The following DNAH1 variants were observed in gnomAD, a reference collection of about 807,000 sequenced individuals.
DNAH1 encodes the protein dynein axonemal heavy chain 1, also known as axonemal beta dynein heavy chain 1.
In DNAH1, 327 loss-of-function variants were observed where a neutral mutation model predicts 484.3. The observed-to-expected ratio is 0.68, with a 90% CI of 0.62 to 0.74. DNAH1 has a LOEUF of 0.74. DNAH1 is among the 30% of genes least tolerant of loss of function. The pLI, the probability that DNAH1 is intolerant of heterozygous loss-of-function variation, is 0.00. For synonymous variants in DNAH1, 2,192 were observed against 2,191.9 expected, an observed-to-expected ratio of 1.00 and a Z score of 0.00; for missense variants, 5,052 against 5,546.8, an observed-to-expected ratio of 0.91 and a Z score of 2.83.
Position 52,396,600 on chromosome 3 carries a change from G to A in DNAH1, c.11431-18G>A. 6.2e-7 allele frequency: 1 copy of A among 1,610,180 alleles called. No individual in the cohort carries two copies. Among genetic ancestry groups the A allele is most frequent in the Non-Finnish European group, 8.5e-7 (1 of 1,177,224 alleles). ...CCCGTCCCCGCTCCTCACCTCCCCT[G>A]CCTCCCACCTCCCCCAGGTGATGGA... On this transcript the variant is annotated intron_variant, in intron 71 of 77. Transcript: ENST00000420323.
At chr3:52,329,451 C>CT in intron 6 of DNAH1, among the ~76,000 whole-genome samples, 1 of 152,318 alleles carries the variant, frequency 6.6e-6, no homozygotes, top group African/African-American at 2.4e-5. Context: ...ACTCAGCTAG[C>CT]TGGTGTCAAC....
rs76962147 is a variant in DNAH1 at position 52,316,717 on chromosome 3, G to T, written c.-35+172G>T. ...TCCCACTCAATACACTTTATGGTGG[G>T]GATAGGGTCCAGTTCAGTTCCAGAC... On this transcript the variant is annotated intron_variant, in intron 1 of 77. Coordinates refer to ENST00000420323, the MANE Select transcript of DNAH1 (RefSeq NM_015512.5). Among the ~76,000 whole-genome samples the T allele has an allele frequency of 2.2e-4, 34 of 152,284 alleles. No homozygotes were observed. In the South Asian group the frequency reaches 6.4e-3, roughly 29 times the overall value.
chr3:52,373,189 A>G (rs1221230566), intron 44 of DNAH1, 136 bp downstream of exon 44: 11 of 959,158 alleles, frequency 1.1e-5, no homozygotes, highest in Admixed American at 3.6e-5. Flanking sequence ...ATTAAAGGGG[A>G]GGAGGGGGGC....
In DNAH1 at chr3:52,381,156, A is replaced by G. The variant is rs551654777; in HGVS notation, c.7609-484A>G. 6.8e-4 allele frequency among the ~76,000 whole-genome samples: 103 copies of G among 152,256 alleles called. No homozygotes were observed. The highest frequency in any genetic ancestry group is 1.5e-3 in the South Asian group (7 of 4,816). On this transcript the variant is annotated intron_variant, in intron 48 of 77. Transcript: ENST00000420323. The surrounding 1 kb of genome is among the most constrained non-coding windows in gnomAD (Gnocchi z 4.1). ...TGCTCCATCACCTAGGCTGGAGGGC[A>G]GTGGCATGAACTTGGCTTACTGCAG...
At chr3:52,399,279 G>A (rs1004794867) in intron 76 of DNAH1, 78 bp downstream of exon 76, 296 of 1,437,798 alleles carry the variant, frequency 2.1e-4, no homozygotes, top group Non-Finnish European at 7.0e-5. Context: ...GGCCACGGTT[G>A]GTTGGCAGTT....
At position 52,385,418 on chromosome 3, in the gene DNAH1, G is replaced by A. The variant is rs748421970; in HGVS notation, c.8596G>A (p.Asp2866Asn). The change falls in exon 54 of 78, where the codon GAC becomes AAC. Residue 2866 changes from aspartate (D) to asparagine (N), a missense_variant. Around this residue, in one of 4 missense-constraint regions of DNAH1, gnomAD observed 2,929 missense variants for 3,409.4 expected, o/e 0.86. Coordinates refer to ENST00000420323, the MANE Select transcript of DNAH1 (RefSeq NM_015512.5). ...MHPLLEEAAK[D>N]TMLTMEQIKV... ...CCCCCTGCTGGAGGAGGCTGCCAAG[G>A]ACACCATGCTCACCATGGAGCAGAT... 1.4e-5 allele frequency: 21 copies of A among 1,552,182 alleles called. No individual in the cohort carries two copies. In the African/African-American group the frequency reaches 2.3e-4, roughly 17 times the overall value.
Position 52,395,369 on chromosome 3 carries a change from T to C in DNAH1, c.11030T>C (p.Leu3677Pro), listed in dbSNP as rs1250167459. The C allele has an allele frequency of 1.2e-6, 2 of 1,613,898 alleles. No homozygotes were observed. The highest frequency in any genetic ancestry group is 1.7e-6 in the Non-Finnish European group (2 of 1,179,882). Residue 3677 changes from leucine to proline, a missense_variant, in exon 69 of 78, where the codon CTG (leucine) becomes CCG (proline). This residue lies in a region of DNAH1 where 853 missense variants were observed against 899.0 expected (regional missense o/e 0.95). Transcript: ENST00000420323. The surrounding 1 kb of genome is among the most constrained non-coding windows in gnomAD (Gnocchi z 4.4). The part of the protein sequence containing the change: ...SNSTTPLIFV[L>P]SPGTDPAADL... ...TCCACCACACCCCTCATCTTTGTGC[T>C]GTCACCCGGCACAGACCCTGCTGCC...
At chr3:52,376,223 AT>A (rs1177943615) in intron 46 of DNAH1, among the ~76,000 whole-genome samples, 1 of 152,182 alleles carries the variant, frequency 6.6e-6, no homozygotes, top group Admixed American at 6.5e-5. Flanking sequence ...TGTCCAGCTG[AT>A]GATAGATGCA....
chr3:52,346,394 G>A (rs1162031123), intron 10 of DNAH1, 78 bp from the exon 11 acceptor site: 1 of 1,443,904 alleles, frequency 6.9e-7, no homozygotes, highest in Non-Finnish European at 9.3e-7. Flanking sequence ...AAGCACCCTG[G>A]TGCATAGAGT....
intron 1 of DNAH1, among the ~76,000 whole-genome samples, chr3:52,320,288 T>C (rs1698866039): frequency 6.6e-6 from 1 of 152,204 alleles, no homozygotes; most frequent in African/African-American, 2.4e-5. Context: ...TGGGCCAGAC[T>C]CGGCATTGTC....
chr3:52,388,073 C>T (rs1704186402), intron 56 of DNAH1, 94 bp from the exon 57 acceptor site: 2 of 1,488,176 alleles, frequency 1.3e-6, no homozygotes, highest in East Asian at 2.5e-5. Flanking sequence ...GCATAAAAGC[C>T]AGGGTGTCCC....
At position 52,383,385 on chromosome 3, in the gene DNAH1, G is replaced by T. The variant is rs777197188; in HGVS notation, c.7942-1G>T. ...CTCCCCACTCCTTCACCCCTCCCCA[G>T]ATCAAGAACGAATCCTTCCTGGAAG... On this transcript the variant is annotated splice_acceptor_variant, in intron 50 of 77. Transcript: ENST00000420323. LOFTEE classifies it high-confidence loss of function. 1.2e-6 allele frequency: 2 copies of T among 1,613,512 alleles called. No homozygotes were observed. The highest frequency in any genetic ancestry group is 2.2e-5 in the South Asian group (2 of 90,922).
chr3:52,366,512 C>T lies in DNAH1; in HGVS notation c.5574C>T (p.Leu1858=), dbSNP rs1209530372. 6.2e-6 allele frequency: 10 copies of T among 1,602,436 alleles called. No individual in the cohort carries two copies. The South Asian group carries it at 7.9e-5, about 13-fold the overall frequency. ...AGACCACGGTGGTACGACACGGCCT[C>T]ATGCTCGTCGGGCCCACAGGCTCCG... ...LYETTVVRHG[L]MLVGPTGSGK... Residue 1858 remains leucine, a synonymous_variant, in exon 35 of 78, where the codon CTC becomes CTT. Coordinates refer to ENST00000420323, the MANE Select transcript of DNAH1 (RefSeq NM_015512.5).
Position 52,391,226 on chromosome 3 carries a change from C to G in DNAH1, c.9789C>G (p.Phe3263Leu), listed in dbSNP as rs772411917. The G allele has an allele frequency of 1.9e-6, 3 of 1,613,948 alleles. No individual in the cohort carries two copies. Among genetic ancestry groups the G allele is most frequent in the Non-Finnish European group, 2.5e-6 (3 of 1,179,868 alleles). Residue 3263 changes from phenylalanine to leucine, a missense_variant, in exon 62 of 78, where the codon TTC (phenylalanine) becomes TTG (leucine). This residue lies in a region of DNAH1 where 2,929 missense variants were observed against 3,409.4 expected (regional missense o/e 0.86). Transcript: ENST00000420323. ...TGTTCAAGTTGAGTGACCGCGACTTCCTGCGCAGCATGGAGAACGCCATCC... is the reference window on the plus strand; with the variant it reads ...TGTTCAAGTTGAGTGACCGCGACTTGCTGCGCAGCATGGAGAACGCCATCC... Reference protein sequence around the residue: ...LDVFKLSDRDFLRSMENAIRF... With the variant: ...LDVFKLSDRDLLRSMENAIRF...
chr3:52,367,309 C>G (rs1192364303), intron 36 of DNAH1, among the ~76,000 whole-genome samples: 1 of 152,126 alleles, frequency 6.6e-6, no homozygotes, highest in East Asian at 1.9e-4. Flanking sequence ...GGGCTTTTCT[C>G]TAAGGCTATT....
At chr3:52,311,055 C>G in the DNAH1 span, among the ~76,000 whole-genome samples, 2,104 of 152,272 alleles carry the variant, frequency 0.014, 64 homozygotes, top group African/African-American at 0.048. Context: ...TTTTCACACC[C>G]GGGACTTGGC....
rs1704768692 is a variant in DNAH1, at chr3:52,398,927, C to G, written c.12167C>G (p.Ser4056Cys). 6.2e-7 allele frequency: 1 copy of G among 1,612,570 alleles called. No individual in the cohort carries two copies. Among genetic ancestry groups the G allele is most frequent in the African/African-American group, 1.3e-5 (1 of 74,930 alleles). Residue 4056 changes from serine (S) to cysteine (C), a missense_variant, in exon 76 of 78, where the codon TCC becomes TGC. By Grantham distance (112) the Ser-to-Cys change is moderately radical. Transcript: ENST00000420323. ...GCACTCAAGGGGCTGGTAGTGATGT[C>G]CTCTCAGCTGGAGCTGATGGCTGCC... ...LKALKGLVVMSSQLELMAASL... is the reference protein window; with the variant it reads ...LKALKGLVVMCSQLELMAASL...
intron 1 of DNAH1, among the ~76,000 whole-genome samples, chr3:52,319,847 G>C (rs1033546377): frequency 6.6e-6 from 1 of 152,316 alleles, no homozygotes; most frequent in South Asian, 2.1e-4. Context: ...TGAGTTTGCA[G>C]CTCACTCTCA....
chr3:52,388,333 G>A lies in DNAH1; in HGVS notation c.9170G>A (p.Arg3057Gln), dbSNP rs371031830. 2.8e-5 allele frequency: 45 copies of A among 1,602,630 alleles called. No homozygotes were observed. The highest frequency in any genetic ancestry group is 3.6e-5 in the Non-Finnish European group (42 of 1,174,678). The change falls in exon 57 of 78, where the codon CGG (arginine) becomes CAG (glutamine). Residue 3057 changes from arginine to glutamine, a missense_variant and splice_region_variant. Arg to Gln is a conservative substitution (Grantham distance 43). Transcript: ENST00000420323. ...GTGGCCAAGGCCGTGGAGCCCAAGCGGGTGAGGGCTGAGTGGAGCTGGTGG... is the reference window on the plus strand; with the variant it reads ...GTGGCCAAGGCCGTGGAGCCCAAGCAGGTGAGGGCTGAGTGGAGCTGGTGG... Reference protein sequence around the residue: ...HFVAKAVEPKRQALLEAQDDL... With the variant: ...HFVAKAVEPKQQALLEAQDDL...
Sources: allele counts gnomAD v4.1 joint callset (sites outside exome capture counted in the v4.1 genomes callset), GRCh38; gene constraint gnomAD v4.1.1; regional missense constraint gnomAD v4.1.1; non-coding constraint Gnocchi (gnomAD v3.1); transcripts MANE v1.5; gene names NCBI Gene and HGNC (gene_info 2026-07-23, HGNC 2026-07-21).